ROCK1: variants seen among roughly 807,000 people sequenced by gnomAD.
ROCK1 encodes the protein Rho associated coiled-coil containing protein kinase 1, also known as rho-associated protein kinase 1.
Under a neutral mutation model 196.8 loss-of-function variants are expected in ROCK1, and 36 were observed. That is an observed-to-expected ratio of 0.18 (90% CI 0.14 to 0.24). The LOEUF is 0.24. Among genes scored for constraint, ROCK1 ranks in the 10% least tolerant of loss-of-function variants. The probability of loss-of-function intolerance (pLI) is 1.00; values close to 1 mark genes in which losing one functional copy is unlikely to be tolerated. For missense variants in ROCK1, 920 were observed against 1,562.0 expected (o/e 0.59, Z 6.93); for synonymous variants, 443 against 515.9 (o/e 0.86, Z 1.91).
At chr18:20,981,429 C>T (rs1028829464) in intron 21 of ROCK1, among the ~76,000 whole-genome samples, 12 of 152,050 alleles carry the variant, frequency 7.9e-5, no homozygotes, top group African/African-American at 2.9e-4. Context: ...TAAGATTTAT[C>T]AAGTATTCTG....
intron 11 of ROCK1, among the ~76,000 whole-genome samples, chr18:21,021,509 A>G (rs548913448): frequency 6.6e-6 from 1 of 152,330 alleles, no homozygotes; most frequent in African/African-American, 2.4e-5. Flanking sequence ...TGAAGTTCCA[A>G]AGAAGTAGGA....
intron 22 of ROCK1, among the ~76,000 whole-genome samples, chr18:20,973,377 A>C (rs2035448686): frequency 6.6e-6 from 1 of 151,826 alleles, no homozygotes; most frequent in African/African-American, 2.4e-5. Context: ...TCCCAGGTTC[A>C]AGCGATTCTC....
intron 16 of ROCK1, among the ~76,000 whole-genome samples, chr18:21,000,413 C>T (rs1285337070): frequency 1.3e-5 from 2 of 152,116 alleles, no homozygotes; most frequent in Non-Finnish European, 2.9e-5. Flanking sequence ...CAGGCACGTG[C>T]CATCATGCCT....
rs977127402 is a variant in ROCK1, at chr18:20,948,373, A to G, written c.*3011T>C. The stretch of plus-strand genomic sequence containing the variant: ...ATGGGAGAAATACTGCTTGATCTCT[A>G]CCTCACTCTGAATTCCAGATTGATT... On this transcript the variant is annotated 3_prime_UTR_variant, in exon 33 of 33. Coordinates refer to ENST00000399799, the MANE Select transcript of ROCK1 (RefSeq NM_005406.3). 1 of 151,684 alleles carries G rather than the reference A, an allele frequency of 6.6e-6. No homozygotes were observed. Among genetic ancestry groups the G allele is most frequent in the African/African-American group, 2.4e-5 (1 of 40,960 alleles). 9.4% of individuals were successfully genotyped at this position (151,684 alleles called of 1,614,324 possible). A position where few individuals can be genotyped will look rare whatever the true frequency, so the allele number is the denominator to read the frequency against.
chr18:21,033,385 C>T (rs752332472), intron 9 of ROCK1, among the ~76,000 whole-genome samples: 12 of 151,992 alleles, frequency 7.9e-5, no homozygotes, highest in South Asian at 2.1e-4. Flanking sequence ...TTATATTCAG[C>T]GGTGAAAGAC....
chr18:21,051,204 T>C (rs2036201368), intron 2 of ROCK1, among the ~76,000 whole-genome samples: 1 of 152,016 alleles, frequency 6.6e-6, no homozygotes. Flanking sequence ...TCCCAAAACT[T>C]TGGGAAGCTG....
At chr18:20,955,074 T>C in intron 30 of ROCK1, 30 bp from the exon 31 acceptor site, 4 of 1,542,538 alleles carry the variant, frequency 2.6e-6, no homozygotes, top group Non-Finnish European at 3.5e-6. Flanking sequence ...AAGGAAAAGA[T>C]TTTAAAAATC....
intron 27 of ROCK1, chr18:20,960,588 G>A (rs545769846): frequency 1.7e-4 from 28 of 164,610 alleles, no homozygotes; most frequent in South Asian, 8.8e-4. Context: ...AAATAATGCA[G>A]CAAGTGGAAC....
intron 16 of ROCK1, among the ~76,000 whole-genome samples, chr18:21,003,136 G>A (rs1375781052): frequency 2.0e-5 from 3 of 152,132 alleles, no homozygotes; most frequent in Non-Finnish European, 2.9e-5. Flanking sequence ...TAGATCTAAC[G>A]TCTAGTTTAA....
chr18:21,008,688 A>G (rs1013488311), intron 13 of ROCK1, among the ~76,000 whole-genome samples: 1 of 152,220 alleles, frequency 6.6e-6, no homozygotes, highest in African/African-American at 2.4e-5. Context: ...CCTGTTTTAC[A>G]GTGTTTCTGG....
rs939461469 is a variant in ROCK1, at chr18:21,028,867, C to G, written c.1120G>C (p.Asp374His). Reference protein sequence around the residue: ...DTSNFDDLEEDKGEEETFPIP... With the variant: ...DTSNFDDLEEHKGEEETFPIP... ...GGGAATGTTTCTTCCTCTCCTTTAT[C>G]TTCTTCCAAGTCATCAAAATTACTA... The change falls in exon 10 of 33, where the codon GAT (aspartate) becomes CAT (histidine). Residue 374 changes from aspartate (D) to histidine (H), a missense_variant. Asp to His is a moderately conservative substitution (Grantham distance 81). This residue lies in a region of ROCK1 where 234 missense variants were observed against 460.7 expected (regional missense o/e 0.51). Coordinates refer to ENST00000399799, the MANE Select transcript of ROCK1 (RefSeq NM_005406.3). The G allele has an allele frequency of 6.2e-7, 1 of 1,612,720 alleles. No individual in the cohort carries two copies.
At chr18:20,961,356 GATTT>G (rs1362954541) in intron 27 of ROCK1, among the ~76,000 whole-genome samples, 3 of 152,138 alleles carry the variant, frequency 2.0e-5, no homozygotes, top group African/African-American at 4.8e-5. Flanking sequence ...AACATTTACT[GATTT>G]ATTTATTCAT....
At chr18:21,045,152 C>T in intron 5 of ROCK1, 140 bp downstream of exon 5, 1 of 695,566 alleles carries the variant, frequency 1.4e-6, no homozygotes, top group South Asian at 2.4e-5. Flanking sequence ...TGAGGCAGCG[C>T]CTGGCCAGAG....
chr18:20,952,728 T>C (rs932461650), intron 32 of ROCK1, among the ~76,000 whole-genome samples: 5 of 150,360 alleles, frequency 3.3e-5, no homozygotes, highest in Admixed American at 2.0e-4. Flanking sequence ...TGAGCTGAGA[T>C]AGCGCCACCA....
chr18:20,962,756 G>C (rs2035338909), intron 27 of ROCK1, among the ~76,000 whole-genome samples: 1 of 152,114 alleles, frequency 6.6e-6, no homozygotes, highest in Admixed American at 6.5e-5. Flanking sequence ...AAGGTGTCAA[G>C]AATATGTGAA....
chr18:21,028,335 G>T (rs1460823594), intron 10 of ROCK1, among the ~76,000 whole-genome samples: 1 of 151,800 alleles, frequency 6.6e-6, no homozygotes, highest in Non-Finnish European at 1.5e-5. Flanking sequence ...AGAACTGCTT[G>T]AACCCAGGAG....
intron 22 of ROCK1, among the ~76,000 whole-genome samples, chr18:20,972,297 G>T (rs2035436742): frequency 6.6e-6 from 1 of 152,150 alleles, no homozygotes. Flanking sequence ...AATTGTTCAG[G>T]ACTGAAATGA....
intron 1 of ROCK1, among the ~76,000 whole-genome samples, chr18:21,071,337 C>T (rs1646787219): frequency 6.6e-6 from 1 of 151,932 alleles, no homozygotes; most frequent in Admixed American, 6.6e-5. Context: ...CGCTACCACA[C>T]CTGGCTAAAT....
chr18:20,960,940 A>C (rs1453876611), intron 27 of ROCK1, among the ~76,000 whole-genome samples: 8 of 152,202 alleles, frequency 5.3e-5, no homozygotes, highest in Admixed American at 3.9e-4. Flanking sequence ...TTTGATCAAC[A>C]GTAAAAACAA....
Sources: gnomAD v4.1 joint callset for allele counts (sites outside exome capture counted in the v4.1 genomes callset) on GRCh38, gnomAD v4.1.1 for gene constraint, gnomAD v4.1.1 regional missense constraint, MANE v1.5 for transcripts, NCBI Gene and HGNC (gene_info 2026-07-23, HGNC 2026-07-21) for gene names.